Variants in DMXL2 observed in about 807,000 individuals in gnomAD.
The protein encoded by DMXL2 is dmX-like protein 2.
In DMXL2, 103 loss-of-function variants were observed where a neutral mutation model predicts 331.1. The observed-to-expected ratio is 0.31, with a 90% CI of 0.27 to 0.37. The LOEUF is 0.37. Among genes scored for constraint, DMXL2 ranks in the 10% least tolerant of loss-of-function variants. DMXL2 has a pLI of 1.00. For synonymous variants in DMXL2, 1,281 were observed against 1,252.1 expected (o/e 1.02, Z -0.49); for missense variants, 3,171 against 3,642.9 (o/e 0.87, Z 3.33).
In DMXL2 at chr15:51,487,459, T is replaced by C. The variant is rs538371292; in HGVS notation, c.5217+495A>G. On this transcript the variant is annotated intron_variant, in intron 22 of 43. Transcript: ENST00000560891. Reference sequence around the variant, plus strand: ...AATGCAATGTGCCATATATGAAATTTTTCTTTTTTTCTTTTTGAGATGGAG... The same window carrying C: ...AATGCAATGTGCCATATATGAAATTCTTCTTTTTTTCTTTTTGAGATGGAG... 6.7e-5 allele frequency among the ~76,000 whole-genome samples: 10 copies of C among 148,868 alleles called. No individual in the cohort carries two copies. The South Asian group carries it at 2.1e-3, about 32-fold the overall frequency.
In DMXL2 at chr15:51,536,531, C is replaced by T. The variant is rs375978467; in HGVS notation, c.1949G>A (p.Arg650Gln). 1.9e-5 allele frequency: 31 copies of T among 1,613,522 alleles called. No homozygotes were observed. The highest frequency in any genetic ancestry group is 2.7e-5 in the African/African-American group (2 of 74,870). Reference protein sequence around the residue: ...VSHKFRYCGHRFHLNDLACHS... With the variant: ...VSHKFRYCGHQFHLNDLACHS... The stretch of plus-strand genomic sequence containing the variant: ...ACATGCCAGGTCATTGAGGTGAAAT[C>T]GATGACCGCAATATCTAAATTTGTG... The change falls in exon 12 of 44, where the codon CGA (arginine) becomes CAA (glutamine). Residue 650 changes from arginine to glutamine, a missense_variant. By Grantham distance (43) the Arg-to-Gln change is conservative. Transcript: ENST00000560891.
intron 28 of DMXL2, among the ~76,000 whole-genome samples, chr15:51,471,996 C>T (rs1488352958): frequency 5.3e-5 from 8 of 152,070 alleles, no homozygotes. Flanking sequence ...GTTTTAGTCA[C>T]ACAATGAGGT....
chr15:51,514,491 C>G lies in DMXL2; in HGVS notation c.2595G>C (p.Lys865Asn). 6.3e-7 allele frequency: 1 copy of G among 1,596,182 alleles called. No homozygotes were observed. Among genetic ancestry groups the G allele is most frequent in the Non-Finnish European group, 8.5e-7 (1 of 1,171,024 alleles). The change falls in exon 15 of 44, where the codon AAG becomes AAC. Residue 865 changes from lysine (K) to asparagine (N), a missense_variant. Lys to Asn is a moderately conservative substitution (Grantham distance 94, BLOSUM62 0). Coordinates refer to ENST00000560891, the MANE Select transcript of DMXL2 (RefSeq NM_001378457.1). ...EDFIIGYKPHKEDMEKKETEI... is the reference protein window; with the variant it reads ...EDFIIGYKPHNEDMEKKETEI... ...CTGTTTCCTTTTTCTCCATATCTTC[C>G]TTATGTGGTTTATATCCTATAATGA... is the stretch of plus-strand genomic sequence containing the variant.
Position 51,488,595 on chromosome 15 carries a change from T to C in DMXL2, c.5004A>G (p.Leu1668=), listed in dbSNP as rs778344321. ...CTTTCTTCTTCATTGAAAGGTAGAA[T>C]AGTGCAGCATCTAAGGCATCATTGT... is the stretch of plus-strand genomic sequence containing the variant. ...QRNNDALDAA[L]FYLSMKKKAV... Residue 1668 remains leucine (L), a synonymous_variant, in exon 21 of 44, where the codon CTA becomes CTG. Coordinates refer to ENST00000560891, the MANE Select transcript of DMXL2 (RefSeq NM_001378457.1). The C allele has an allele frequency of 2.5e-6, 4 of 1,613,490 alleles. No individual in the cohort carries two copies. In the Admixed American group the frequency reaches 5.0e-5, roughly 20 times the overall value.
At chr15:51,575,246 G>T (rs142881042) in intron 2 of DMXL2, among the ~76,000 whole-genome samples, 184 of 152,118 alleles carry the variant, frequency 1.2e-3, no homozygotes, top group African/African-American at 4.0e-3. Flanking sequence ...AAATTTGTAT[G>T]ATTACTATTT....
intron 29 of DMXL2, 106 bp downstream of exon 29, chr15:51,471,117 G>A: frequency 7.5e-6 from 8 of 1,072,362 alleles, no homozygotes; most frequent in Non-Finnish European, 8.0e-6. Flanking sequence ...AAACTATGGT[G>A]ATTCAATCCA....
intron 14 of DMXL2, among the ~76,000 whole-genome samples, chr15:51,516,358 A>G (rs894350065): frequency 6.6e-6 from 1 of 152,204 alleles, no homozygotes; most frequent in African/African-American, 2.4e-5. Context: ...CTGTGATTAA[A>G]AAGTATATGT....
At chr15:51,543,059 T>C (rs1240445715) in intron 8 of DMXL2, among the ~76,000 whole-genome samples, 2 of 152,158 alleles carry the variant, frequency 1.3e-5, no homozygotes, top group East Asian at 1.9e-4. Context: ...TTTGTTTAAA[T>C]TGTTTTAAAC....
Position 51,517,156 on chromosome 15 carries a change from T to C in DMXL2, c.2448A>G (p.Gly816=), listed in dbSNP as rs760556454. ...GTTGGCTCACAATATTAAACACTTCTCCAATAAGTTTCTGTAAATAAAAAA... is the reference window on the plus strand; with the variant it reads ...GTTGGCTCACAATATTAAACACTTCCCCAATAAGTTTCTGTAAATAAAAAA... ...LSDPESSKLI[G]EVFNIVSQQS... Residue 816 remains glycine, a synonymous_variant, in exon 14 of 44, where the codon GGA becomes GGG. Coordinates refer to ENST00000560891, the MANE Select transcript of DMXL2 (RefSeq NM_001378457.1). 4 of 1,613,378 alleles carry C rather than the reference T, an allele frequency of 2.5e-6. No individual in the cohort carries two copies. In the East Asian group the frequency reaches 6.7e-5, roughly 27 times the overall value.
At chr15:51,498,526 T>A in intron 18 of DMXL2, 26 bp downstream of exon 18, 2 of 1,585,856 alleles carry the variant, frequency 1.3e-6, no homozygotes, top group Non-Finnish European at 1.7e-6. Context: ...GGTACAACTT[T>A]ATAAATTTTT....
intron 2 of DMXL2, among the ~76,000 whole-genome samples, chr15:51,568,832 G>T (rs2050465965): frequency 6.6e-6 from 1 of 152,114 alleles, no homozygotes; most frequent in Non-Finnish European, 1.5e-5. Flanking sequence ...GGCTGAATAG[G>T]AACAGCTCTG....
chr15:51,491,479 A>G (rs2042793568), intron 20 of DMXL2, 99 bp downstream of exon 20: 1 of 1,270,318 alleles, frequency 7.9e-7, no homozygotes, highest in Non-Finnish European at 1.1e-6. Context: ...AAGATAGACA[A>G]ACAAATTTCC....
chr15:51,538,062 C>T, intron 10 of DMXL2, 151 bp downstream of exon 10: 1 of 1,022,254 alleles, frequency 9.8e-7, no homozygotes, highest in Non-Finnish European at 1.4e-6. Context: ...AGCAGAGTAC[C>T]TGATCCAAGG....
Position 51,538,353 on chromosome 15 carries a change from G to C in DMXL2, c.1205C>G (p.Ser402Ter). 1 of 1,613,662 alleles carries C rather than the reference G, an allele frequency of 6.2e-7. No homozygotes were observed. The highest frequency in any genetic ancestry group is 8.5e-7 in the Non-Finnish European group (1 of 1,179,724). Residue 402 changes from serine to a stop codon, truncating the protein, a stop_gained, in exon 10 of 44, where the codon TCA becomes TGA. Coordinates refer to ENST00000560891, the MANE Select transcript of DMXL2 (RefSeq NM_001378457.1). LOFTEE classifies it high-confidence loss of function. ...TTGATGCATAAATACTTCTGTAGATGATGTAAAATGAAATTCCTTGTTGTT... is the reference window on the plus strand; with the variant it reads ...TTGATGCATAAATACTTCTGTAGATCATGTAAAATGAAATTCCTTGTTGTT... Reference protein sequence around the residue: ...WLNNKEFHFTSSTEVFMHQLR... With the variant: ...WLNNKEFHFT
In DMXL2 at chr15:51,488,648, AAATG is replaced by A. The variant is rs2042572185; in HGVS notation, c.4954-7_4954-4del. 6.3e-7 allele frequency: 1 copy of A among 1,596,066 alleles called. No homozygotes were observed. Among genetic ancestry groups the A allele is most frequent in the Admixed American group, 1.8e-5 (1 of 56,140 alleles). ...CTTTGAAAAGAAGCTTTGGCAACCT[AAATG>A]ATAAATAAAATATTAAATTCACAAT... On this transcript the variant is annotated splice_region_variant and splice_polypyrimidine_tract_variant and intron_variant, in intron 20 of 43. Transcript: ENST00000560891.
chr15:51,572,002 G>C (rs886808516), intron 2 of DMXL2, among the ~76,000 whole-genome samples: 1 of 152,028 alleles, frequency 6.6e-6, no homozygotes, highest in Non-Finnish European at 1.5e-5. Flanking sequence ...CCAGGAACTG[G>C]TTTTTTGAAA....
intron 6 of DMXL2, among the ~76,000 whole-genome samples, chr15:51,547,985 CT>C (rs2048981684): frequency 1.3e-5 from 2 of 152,066 alleles, no homozygotes; most frequent in African/African-American, 4.8e-5. Flanking sequence ...ATTCTTAGCT[CT>C]TGGGCCACAG....
rs1334180346 is a variant in DMXL2 at position 51,458,491 on chromosome 15, G to A, written c.8198+15C>T. ...CTTACAGAAAACTATATGTAAAAGT[G>A]ACTATGAGACAAACCTTTTGGATTC... On this transcript the variant is annotated intron_variant, in intron 36 of 43. Transcript: ENST00000560891. 8 of 1,611,046 alleles carry A rather than the reference G, an allele frequency of 5.0e-6. No individual in the cohort carries two copies. Among genetic ancestry groups the A allele is most frequent in the Admixed American group, 1.7e-5 (1 of 59,694 alleles).
intron 13 of DMXL2, among the ~76,000 whole-genome samples, chr15:51,526,365 G>A (rs2047676763): frequency 6.6e-6 from 1 of 152,188 alleles, no homozygotes; most frequent in African/African-American, 2.4e-5. Flanking sequence ...TCCCCCCAAA[G>A]CAGATACAGC....
Sources: gnomAD v4.1 joint callset for allele counts (sites outside exome capture counted in the v4.1 genomes callset) on GRCh38, gnomAD v4.1.1 for gene constraint, MANE v1.5 for transcripts, NCBI Gene and HGNC (gene_info 2026-07-23, HGNC 2026-07-21) for gene names.